Variants in C8orf34 observed in about 807,000 individuals in gnomAD.
C8orf34 encodes uncharacterized protein C8orf34.
In C8orf34, 65 loss-of-function variants were observed where a neutral mutation model predicts 68.3. The observed-to-expected ratio is 0.95, with a 90% CI of 0.78 to 1.17. C8orf34 has a LOEUF of 1.17. C8orf34 is among the 50% of genes most tolerant of loss of function. The pLI is 0.00. For synonymous variants in C8orf34, 244 were observed against 241.2 expected (o/e 1.01, Z -0.11); for missense variants, 664 against 655.4 (o/e 1.01, Z -0.14).
At chr8:68,652,787 A>G (rs1819401104) in intron 8 of C8orf34, among the ~76,000 whole-genome samples, 1 of 152,168 alleles carries the variant, frequency 6.6e-6, no homozygotes, top group Non-Finnish European at 1.5e-5. Flanking sequence ...TTGGAATTAG[A>G]CATTTCTCCA....
chr8:68,801,831 C>A (rs908967465), intron 12 of C8orf34, among the ~76,000 whole-genome samples: 5 of 151,670 alleles, frequency 3.3e-5, no homozygotes, highest in Non-Finnish European at 7.4e-5. Context: ...AAATTAAAAT[C>A]ACCTATAATC....
intron 3 of C8orf34, among the ~76,000 whole-genome samples, chr8:68,462,908 A>G (rs1341962857): frequency 3.3e-5 from 5 of 152,168 alleles, no homozygotes; most frequent in Admixed American, 3.3e-4. Flanking sequence ...AAACACATTC[A>G]AAAGCTAACA....
At chr8:68,769,681 T>A (rs555151943) in intron 10 of C8orf34, among the ~76,000 whole-genome samples, 2 of 152,314 alleles carry the variant, frequency 1.3e-5, no homozygotes, top group South Asian at 4.1e-4. Context: ...CTTTATGATT[T>A]GTATAGATTC....
chr8:68,384,349 A>G (rs972134531), intron 1 of C8orf34, among the ~76,000 whole-genome samples: 6 of 152,196 alleles, frequency 3.9e-5, no homozygotes, highest in Admixed American at 2.0e-4. Flanking sequence ...TGCTGTTTGC[A>G]TCACTTCTTG....
chr8:68,524,286 T>C (rs1814884194), intron 6 of C8orf34, among the ~76,000 whole-genome samples: 1 of 152,128 alleles, frequency 6.6e-6, no homozygotes, highest in Admixed American at 6.5e-5. Context: ...GCTTACCCCC[T>C]TTTTTAATGA....
At chr8:68,586,454 ATC>A (rs1297917215) in intron 7 of C8orf34, among the ~76,000 whole-genome samples, 1 of 152,166 alleles carries the variant, frequency 6.6e-6, no homozygotes, top group Non-Finnish European at 1.5e-5. Flanking sequence ...CTCTTAAGCC[ATC>A]TCTCTACTTT....
At chr8:68,548,097 G>GC (rs1210473198) in intron 7 of C8orf34, among the ~76,000 whole-genome samples, 2 of 151,612 alleles carry the variant, frequency 1.3e-5, no homozygotes, top group African/African-American at 4.8e-5. Context: ...AACTTCCAGA[G>GC]AAAATGTATA....
At chr8:68,362,183 A>T (rs1464541691) in intron 1 of C8orf34, among the ~76,000 whole-genome samples, 2 of 152,152 alleles carry the variant, frequency 1.3e-5, no homozygotes, top group African/African-American at 4.8e-5. Flanking sequence ...TAATTGATTG[A>T]TTGCTTTCTT....
At chr8:68,358,710 TTTA>T (rs1806853941) in intron 1 of C8orf34, among the ~76,000 whole-genome samples, 1 of 142,454 alleles carries the variant, frequency 7.0e-6, no homozygotes, top group African/African-American at 2.9e-5. Flanking sequence ...TTCATATTTA[TTTA>T]TTTTTTTTTT....
chr8:68,506,047 T>A (rs1444994872), intron 5 of C8orf34, among the ~76,000 whole-genome samples: 2 of 152,276 alleles, frequency 1.3e-5, no homozygotes, highest in East Asian at 3.9e-4. Context: ...ATTCTGAATT[T>A]TAACTTTAAC....
chr8:68,620,761 AG>A (rs1455931598), intron 7 of C8orf34, among the ~76,000 whole-genome samples: 1 of 151,700 alleles, frequency 6.6e-6, no homozygotes, highest in East Asian at 1.9e-4. Context: ...GGCAGATATA[AG>A]TGTCCATTAA....
intron 3 of C8orf34, among the ~76,000 whole-genome samples, chr8:68,454,394 G>T (rs1007710934): frequency 1.3e-5 from 2 of 151,860 alleles, no homozygotes; most frequent in Non-Finnish European, 2.9e-5. Context: ...GCTTTATCCT[G>T]GCCTTGTCCT....
chr8:68,679,192 C>G (rs1424958412), intron 8 of C8orf34, among the ~76,000 whole-genome samples: 2 of 152,038 alleles, frequency 1.3e-5, no homozygotes, highest in Non-Finnish European at 2.9e-5. Context: ...GGGGCTGAGG[C>G]AGGAGAATCG....
At chr8:68,465,611 C>G (rs1027752631) in intron 3 of C8orf34, among the ~76,000 whole-genome samples, 2 of 152,074 alleles carry the variant, frequency 1.3e-5, no homozygotes, top group African/African-American at 2.4e-5. Flanking sequence ...CCATGGAATA[C>G]TATGCAGCCA....
intron 1 of C8orf34, among the ~76,000 whole-genome samples, chr8:68,343,343 C>T (rs1238967461): frequency 6.6e-6 from 1 of 152,176 alleles, no homozygotes; most frequent in Non-Finnish European, 1.5e-5. Context: ...GACTGAATCA[C>T]TCGTGCTTTG....
At chr8:68,590,445 A>G (rs1817353099) in intron 7 of C8orf34, among the ~76,000 whole-genome samples, 1 of 152,104 alleles carries the variant, frequency 6.6e-6, no homozygotes, top group African/African-American at 2.4e-5. Context: ...AGTACAGAGA[A>G]CTCAGGATAT....
chr8:68,459,290 C>T (rs1314984825), intron 3 of C8orf34, among the ~76,000 whole-genome samples: 1 of 152,062 alleles, frequency 6.6e-6, no homozygotes, highest in Non-Finnish European at 1.5e-5. Context: ...AGTGCAGTGG[C>T]ATGGTCTCAG....
chr8:68,520,885 T>G (rs1814725753), intron 5 of C8orf34, among the ~76,000 whole-genome samples: 1 of 152,214 alleles, frequency 6.6e-6, no homozygotes, highest in African/African-American at 2.4e-5. Flanking sequence ...TTTTTCTCAT[T>G]ACATATTTAC....
intron 1 of C8orf34, among the ~76,000 whole-genome samples, chr8:68,396,453 C>T (rs1269889811): frequency 6.6e-6 from 1 of 151,904 alleles, no homozygotes; most frequent in Non-Finnish European, 1.5e-5. Context: ...CAAGAAAGCT[C>T]TACCACATCA....
Sources: allele counts gnomAD v4.1 joint callset (sites outside exome capture counted in the v4.1 genomes callset), GRCh38; gene constraint gnomAD v4.1.1; transcripts MANE v1.5; gene names NCBI Gene and HGNC (gene_info 2026-07-23, HGNC 2026-07-21).